The following SDCCAG8 variants were observed in gnomAD, a reference collection of about 807,000 sequenced individuals.
SDCCAG8 encodes SHH signaling and ciliogenesis regulator SDCCAG8, also known as serologically defined colon cancer antigen 8.
In SDCCAG8, 74 loss-of-function variants were observed where a neutral mutation model predicts 101.8. The ratio of observed to expected loss-of-function variants is 0.73; its 90% CI spans 0.60 to 0.88. The LOEUF is 0.88. Ranked by LOEUF, SDCCAG8 falls within the 40% of genes least tolerant of loss-of-function variation. SDCCAG8 has a pLI of 0.00. For missense variants in SDCCAG8, 787 were observed against 822.6 expected, an observed-to-expected ratio of 0.96 and a Z score of 0.53; for synonymous variants, 281 against 292.9, an observed-to-expected ratio of 0.96 and a Z score of 0.41.
intron 3 of SDCCAG8, 96 bp from the exon 4 acceptor site, chr1:243,274,447 A>C: frequency 1.4e-6 from 1 of 700,824 alleles, no homozygotes; most frequent in Non-Finnish European, 2.6e-6. Flanking sequence ...AGTATGGAGA[A>C]GGTAACAACT....
At chr1:243,335,820 CTGT>C (rs2074967534) in intron 10 of SDCCAG8, among the ~76,000 whole-genome samples, 1 of 152,116 alleles carries the variant, frequency 6.6e-6, no homozygotes, top group Non-Finnish European at 1.5e-5. Context: ...TCCCCAGTTT[CTGT>C]TGTTGCTATC....
chr1:243,417,894 C>G (rs2080708028), intron 14 of SDCCAG8, 74 bp from the exon 15 acceptor site: 1 of 1,067,502 alleles, frequency 9.4e-7, no homozygotes, highest in African/African-American at 1.6e-5. Context: ...CACTTTACCA[C>G]TCTATGTATG....
At chr1:243,443,446 G>A (rs551353465) in intron 16 of SDCCAG8, among the ~76,000 whole-genome samples, 39 of 152,296 alleles carry the variant, frequency 2.6e-4, no homozygotes, top group African/African-American at 9.1e-4. Flanking sequence ...GACTTGGGAA[G>A]GTTGCATAGG....
intron 16 of SDCCAG8, among the ~76,000 whole-genome samples, chr1:243,438,567 C>A (rs1391153229): frequency 6.6e-6 from 1 of 151,846 alleles, no homozygotes; most frequent in East Asian, 1.9e-4. Context: ...TGCGCGTGCA[C>A]CTGCCTACCT....
intron 10 of SDCCAG8, among the ~76,000 whole-genome samples, chr1:243,340,464 A>G (rs1471134058): frequency 6.6e-6 from 1 of 152,106 alleles, no homozygotes; most frequent in Non-Finnish European, 1.5e-5. Context: ...GAGAGGAGAT[A>G]ATGGCTGAGC....
intron 13 of SDCCAG8, among the ~76,000 whole-genome samples, chr1:243,386,968 A>G (rs1457783340): frequency 6.6e-6 from 1 of 152,338 alleles, no homozygotes; most frequent in African/African-American, 2.4e-5. Context: ...ATTTTCACCC[A>G]AGAAGAAAGA....
At chr1:243,417,873 A>G (rs1027387318) in intron 14 of SDCCAG8, 95 bp from the exon 15 acceptor site, 6 of 852,958 alleles carry the variant, frequency 7.0e-6, no homozygotes, top group African/African-American at 5.0e-5. Context: ...GGAAATGTGT[A>G]GGGGTCTAAG....
intron 1 of SDCCAG8, among the ~76,000 whole-genome samples, chr1:243,269,628 T>C (rs937274711): frequency 2.6e-5 from 4 of 151,954 alleles, no homozygotes; most frequent in African/African-American, 7.3e-5. Flanking sequence ...GGGGGAGGGA[T>C]TTCCTGTCCC....
chr1:243,427,690 G>T (rs2081432925), intron 16 of SDCCAG8, among the ~76,000 whole-genome samples: 1 of 152,130 alleles, frequency 6.6e-6, no homozygotes, highest in South Asian at 2.1e-4. Flanking sequence ...CCTGGGGTGG[G>T]GGGGAGGTAT....
intron 12 of SDCCAG8, among the ~76,000 whole-genome samples, chr1:243,365,813 T>G (rs569122717): frequency 6.6e-6 from 1 of 152,232 alleles, no homozygotes; most frequent in Admixed American, 6.5e-5. Context: ...ATTTTTGGCT[T>G]TGAAGAGTAT....
At chr1:243,256,264 C>G in intron 1 of SDCCAG8, 24 bp downstream of exon 1, 9 of 1,610,622 alleles carry the variant, frequency 5.6e-6, no homozygotes, top group Non-Finnish European at 7.6e-6. Flanking sequence ...AACCTCTGTC[C>G]CTAGCCCCGA....
chr1:243,453,626 C>T (rs2083526709), intron 16 of SDCCAG8, among the ~76,000 whole-genome samples: 1 of 152,186 alleles, frequency 6.6e-6, no homozygotes, highest in African/African-American at 2.4e-5. Flanking sequence ...CAGGTTATCT[C>T]ATTTTGCCAT....
At chr1:243,323,765 G>A (rs1025451288) in intron 9 of SDCCAG8, among the ~76,000 whole-genome samples, 10 of 152,058 alleles carry the variant, frequency 6.6e-5, no homozygotes. Flanking sequence ...GTCACTTCCT[G>A]ATTACCAAAC....
intron 13 of SDCCAG8, among the ~76,000 whole-genome samples, chr1:243,379,326 G>A (rs769429706): frequency 1.4e-4 from 21 of 152,176 alleles, no homozygotes; most frequent in Non-Finnish European, 1.0e-4. Context: ...CTAAGGAGGT[G>A]TAAAATTTTG....
In SDCCAG8 at chr1:243,271,009, A is replaced by G; in HGVS notation, c.252A>G (p.Gln84=). 1.2e-6 allele frequency: 2 copies of G among 1,613,742 alleles called. No homozygotes were observed. Among genetic ancestry groups the G allele is most frequent in the Non-Finnish European group, 1.7e-6 (2 of 1,179,752 alleles). ...AGCTCAAAGATTTGTTGCGCCAACA[A>G]GCAGATAAGGAAAGTGAAGTATCTC... ...VNQLKDLLRQ[Q]ADKESEVSPS... Residue 84 remains glutamine (Q), a synonymous_variant, in exon 3 of 18, where the codon CAA becomes CAG. Coordinates refer to ENST00000366541, the MANE Select transcript of SDCCAG8 (RefSeq NM_006642.5).
chr1:243,312,033 A>T (rs1433384443), intron 8 of SDCCAG8, among the ~76,000 whole-genome samples: 1 of 152,254 alleles, frequency 6.6e-6, no homozygotes, highest in Non-Finnish European at 1.5e-5. Context: ...CATGTTCTGC[A>T]TTAATGACAG....
At chr1:243,406,500 G>A (rs2079794513) in intron 13 of SDCCAG8, among the ~76,000 whole-genome samples, 1 of 152,180 alleles carries the variant, frequency 6.6e-6, no homozygotes, top group South Asian at 2.1e-4. Context: ...TACTATTGCT[G>A]TAGTAATAAG....
At chr1:243,270,317 G>A in intron 2 of SDCCAG8, 60 bp downstream of exon 2, 1 of 1,415,686 alleles carries the variant, frequency 7.1e-7, no homozygotes, top group Admixed American at 1.8e-5. Context: ...AAACTCCGTA[G>A]AATAATAACT....
chr1:243,491,795 T>C (rs1666481231), intron 17 of SDCCAG8, among the ~76,000 whole-genome samples: 1 of 152,228 alleles, frequency 6.6e-6, no homozygotes, highest in South Asian at 2.1e-4. Context: ...TGGAGTGGCC[T>C]GTGGGTCCAG....
Sources: allele counts gnomAD v4.1 joint callset (sites outside exome capture counted in the v4.1 genomes callset), GRCh38; gene constraint gnomAD v4.1.1; transcripts MANE v1.5; gene names NCBI Gene and HGNC (gene_info 2026-07-23, HGNC 2026-07-21).